Variants in SEMA3A observed in about 807,000 individuals in gnomAD.
SEMA3A encodes semaphorin-3A.
Under a neutral mutation model 97.9 loss-of-function variants are expected in SEMA3A, and 29 were observed. That is an observed-to-expected ratio of 0.30 (90% confidence interval 0.22 to 0.40). The LOEUF (loss-of-function observed/expected upper bound fraction) is 0.40, where lower values mean the gene tolerates loss of function less well. SEMA3A is among the 10% of genes least tolerant of loss of function. The pLI, the probability that SEMA3A is intolerant of heterozygous loss-of-function variation, is 1.00. For missense variants in SEMA3A, 763 were observed against 951.3 expected, an observed-to-expected ratio of 0.80 and a Z score of 2.60; for synonymous variants, 321 against 323.7, an observed-to-expected ratio of 0.99 and a Z score of 0.09.
At chr7:84,119,892 G>A (rs576329594) in intron 3 of SEMA3A, among the ~76,000 whole-genome samples, 2 of 152,098 alleles carry the variant, frequency 1.3e-5, no homozygotes, top group East Asian at 1.9e-4. Flanking sequence ...TACTCTAAAA[G>A]TATGTACACT....
chr7:84,160,416 A>G (rs1198583458), intron 1 of SEMA3A, among the ~76,000 whole-genome samples: 1 of 151,848 alleles, frequency 6.6e-6, no homozygotes, highest in Non-Finnish European at 1.5e-5. Context: ...TGGATGCAGT[A>G]GCACATGCCT....
chr7:84,436,939 T>C (rs1805147704), intron 1 of SEMA3A, among the ~76,000 whole-genome samples: 1 of 152,064 alleles, frequency 6.6e-6, no homozygotes, highest in South Asian at 2.1e-4. Context: ...TCGTGAAAAG[T>C]GTTTTCATTC....
At chr7:84,040,534 T>C (rs1377900742) in intron 6 of SEMA3A, among the ~76,000 whole-genome samples, 2 of 152,142 alleles carry the variant, frequency 1.3e-5, no homozygotes, top group Non-Finnish European at 2.9e-5. Flanking sequence ...CAGAAACTAA[T>C]TAATTTGCAA....
At chr7:84,443,287 A>G (rs370720953) in intron 1 of SEMA3A, among the ~76,000 whole-genome samples, 2 of 152,314 alleles carry the variant, frequency 1.3e-5, no homozygotes, top group Admixed American at 6.5e-5. Context: ...GGAACTTCAA[A>G]AATTTCATAA....
intron 2 of SEMA3A, among the ~76,000 whole-genome samples, chr7:84,323,399 G>A (rs751048190): frequency 5.3e-5 from 8 of 151,994 alleles, no homozygotes; most frequent in Admixed American, 1.3e-4. Context: ...ACATAATCAA[G>A]TGTGCCACAT....
intron 6 of SEMA3A, among the ~76,000 whole-genome samples, chr7:84,038,523 A>G (rs2116481028): frequency 1.3e-5 from 2 of 152,214 alleles, no homozygotes; most frequent in South Asian, 2.1e-4. Context: ...TCATTTGAAA[A>G]GGAGAAATTG....
At chr7:84,393,455 C>T (rs913555485) in intron 1 of SEMA3A, among the ~76,000 whole-genome samples, 5 of 152,030 alleles carry the variant, frequency 3.3e-5, no homozygotes, top group Non-Finnish European at 1.5e-5. Context: ...TAGTGAAAAG[C>T]AATAGTAATT....
Position 84,215,551 on chromosome 7 carries a change from C to T in SEMA3A, c.-82-20883G>A, listed in dbSNP as rs532351651. Among the ~76,000 whole-genome samples the T allele has an allele frequency of 2.0e-5, 3 of 152,336 alleles. No homozygotes were observed. In the East Asian group the frequency reaches 5.8e-4, roughly 29 times the overall value. ...CTGACAACTCAATTTAAACCAGTAA[C>T]TCTTTTTTCCTGTCCCCTAGCTCTA... On this transcript the variant is annotated intron_variant, in intron 3 of 3. Transcript: ENST00000424555.
At position 84,453,679 on chromosome 7, in the gene SEMA3A, T is replaced by A. The variant is rs79524673; in HGVS notation, c.-246+38781A>T. 0.013 allele frequency among the ~76,000 whole-genome samples: 2,052 copies of A among 152,318 alleles called. 94 individuals carry two copies. In the East Asian group the frequency reaches 0.16, roughly 12 times the overall value. ...TCCCTGTCTCTACTTAAAGTCTACA[T>A]TGTCTGTATTAAATATTCTATCGTG... is the stretch of plus-strand genomic sequence containing the variant. On this transcript the variant is annotated intron_variant, in intron 1 of 3. Transcript: ENST00000424555.
rs544525991 is a variant in SEMA3A, at chr7:84,262,322, C to A, written c.-83+44885G>T. Reference sequence around the variant, plus strand: ...CTCCACCTCCCAGGTTCAAGCGATTCTCCTGCATCAGCCTCTCAAGTAGCT... The same window carrying A: ...CTCCACCTCCCAGGTTCAAGCGATTATCCTGCATCAGCCTCTCAAGTAGCT... On this transcript the variant is annotated intron_variant, in intron 3 of 3. Coordinates refer to the SEMA3A transcript ENST00000424555. 2.0e-4 allele frequency among the ~76,000 whole-genome samples: 30 copies of A among 152,290 alleles called. No individual in the cohort carries two copies. In the South Asian group the frequency reaches 6.0e-3, roughly 31 times the overall value.
intron 1 of SEMA3A, among the ~76,000 whole-genome samples, chr7:84,470,754 T>C (rs1313158770): frequency 6.6e-6 from 1 of 152,082 alleles, no homozygotes; most frequent in Non-Finnish European, 1.5e-5. Flanking sequence ...GCATTAGCTC[T>C]AGAAGAATAC....
chr7:84,277,012 C>CCACTTATGAATTCCAAGTACA (rs1800315427), intron 3 of SEMA3A, among the ~76,000 whole-genome samples: 1 of 151,994 alleles, frequency 6.6e-6, no homozygotes, highest in Admixed American at 6.6e-5. Flanking sequence ...AAATTTATGG[C>CCACTTATGAATTCCAAGTACA]TTTACATGTA....
chr7:84,299,845 C>T (rs1281774123), intron 3 of SEMA3A, among the ~76,000 whole-genome samples: 7 of 478 alleles, frequency 0.015, no homozygotes, highest in African/African-American at 0.038. Context: ...GCCTGGCCAA[C>T]GTGGTGAAAC....
intron 15 of SEMA3A, among the ~76,000 whole-genome samples, chr7:83,968,530 A>T (rs1473248935): frequency 6.6e-6 from 1 of 152,136 alleles, no homozygotes; most frequent in Non-Finnish European, 1.5e-5. Context: ...TTGTGATCAT[A>T]CTTCCATCTA....
At position 83,960,080 on chromosome 7, in the gene SEMA3A, T is replaced by TA. The variant is rs1303004557; in HGVS notation, c.*1290dup. 1 of 152,082 alleles carries TA rather than the reference T, an allele frequency of 6.6e-6. No homozygotes were observed. The highest frequency in any genetic ancestry group is 1.5e-5 in the Non-Finnish European group (1 of 67,946). 9.4% of individuals were successfully genotyped at this position (152,082 alleles called of 1,614,324 possible). ...ATAAGGAAAGGTAAGAGGCACCTGA[T>TA]ACAGATGTAAATGATTGGAAACTTT... On this transcript the variant is annotated 3_prime_UTR_variant, in exon 17 of 17. Coordinates refer to ENST00000265362, the MANE Select transcript of SEMA3A (RefSeq NM_006080.3).
intron 1 of SEMA3A, among the ~76,000 whole-genome samples, chr7:84,405,655 C>A (rs1053877346): frequency 7.9e-5 from 12 of 152,120 alleles, no homozygotes; most frequent in Admixed American, 1.3e-4. Flanking sequence ...GTAAAGCACT[C>A]CTCAGCAAAT....
chr7:83,972,711 A>G (rs1276773543), intron 15 of SEMA3A, among the ~76,000 whole-genome samples: 4 of 152,122 alleles, frequency 2.6e-5, no homozygotes, highest in Non-Finnish European at 5.9e-5. Flanking sequence ...AAAAAATCTT[A>G]GTTTGTAACA....
intron 2 of SEMA3A, among the ~76,000 whole-genome samples, chr7:84,323,379 A>T (rs758050217): frequency 1.3e-5 from 2 of 152,112 alleles, no homozygotes; most frequent in Non-Finnish European, 2.9e-5. Flanking sequence ...GTTTTTTGTC[A>T]CTAATCACTA....
intron 3 of SEMA3A, among the ~76,000 whole-genome samples, chr7:84,291,045 T>C (rs1293228961): frequency 1.3e-5 from 2 of 152,114 alleles, no homozygotes; most frequent in Non-Finnish European, 2.9e-5. Context: ...AGAGTTAGAT[T>C]GTATACCACA....
Sources: gnomAD v4.1 joint callset for allele counts (sites outside exome capture counted in the v4.1 genomes callset) on GRCh38, gnomAD v4.1.1 for gene constraint, MANE v1.5 for transcripts, NCBI Gene and HGNC (gene_info 2026-07-23, HGNC 2026-07-21) for gene names.